FGD6: variants seen among roughly 807,000 people sequenced by gnomAD.
FGD6 encodes the protein FYVE, RhoGEF and PH domain-containing protein 6.
In FGD6, 90 loss-of-function variants were observed where a neutral mutation model predicts 149.4. The ratio of observed to expected loss-of-function variants is 0.60; its 90% CI spans 0.51 to 0.72. The LOEUF (loss-of-function observed/expected upper bound fraction) is 0.72. Ranked by LOEUF, FGD6 falls within the 30% of genes least tolerant of loss-of-function variation. The pLI is 0.00. For missense variants in FGD6, 1,437 were observed against 1,684.8 expected, an observed-to-expected ratio of 0.85 and a Z score of 2.57; for synonymous variants, 527 against 584.0, an observed-to-expected ratio of 0.90 and a Z score of 1.41.
chr12:95,148,877 A>G (rs55891817), intron 5 of FGD6, among the ~76,000 whole-genome samples: 665 of 17,656 alleles, frequency 0.038, 213 homozygotes, highest in African/African-American at 0.13. Flanking sequence ...TATAGCATAT[A>G]TTATATATAT....
At chr12:95,136,895 T>C (rs1162471142) in intron 7 of FGD6, among the ~76,000 whole-genome samples, 1 of 152,206 alleles carries the variant, frequency 6.6e-6, no homozygotes, top group African/African-American at 2.4e-5. Context: ...GTCAACGTAC[T>C]TAACATTACT....
intron 8 of FGD6, among the ~76,000 whole-genome samples, chr12:95,115,774 T>C (rs745582662): frequency 1.3e-5 from 2 of 152,196 alleles, no homozygotes; most frequent in South Asian, 2.1e-4. Context: ...AACAGGGGTA[T>C]TGGTGCCAGA....
At chr12:95,150,712 G>A (rs1461781046) in intron 5 of FGD6, among the ~76,000 whole-genome samples, 3 of 151,894 alleles carry the variant, frequency 2.0e-5, no homozygotes, top group African/African-American at 7.3e-5. Context: ...AGGCTCAAGG[G>A]ATTCTTTTGG....
chr12:95,199,249 AGTG>A (rs1881804582), intron 2 of FGD6, among the ~76,000 whole-genome samples: 1 of 152,220 alleles, frequency 6.6e-6, no homozygotes, highest in Admixed American at 6.5e-5. Context: ...TGGTTGCATC[AGTG>A]AGTGAAGAGA....
chr12:95,126,730 CAAAAA>C (rs66512721), intron 8 of FGD6, among the ~76,000 whole-genome samples: 1 of 127,372 alleles, frequency 7.9e-6, no homozygotes, highest in Non-Finnish European at 1.6e-5. Flanking sequence ...GACTCAGTCT[CAAAAA>C]AAAAAAAAAA....
chr12:95,085,321 TCTC>T (rs1877825125), intron 19 of FGD6, among the ~76,000 whole-genome samples: 1 of 151,100 alleles, frequency 6.6e-6, no homozygotes, highest in South Asian at 2.1e-4. Context: ...TTCAAGCAAT[TCTC>T]CTGCTTCACC....
intron 3 of FGD6, among the ~76,000 whole-genome samples, chr12:95,162,505 G>A (rs979983777): frequency 1.3e-5 from 2 of 152,052 alleles, no homozygotes. Flanking sequence ...CTCCAGCCTG[G>A]GTGACAGAGT....
rs1877580973 is a variant in FGD6 at position 95,078,956 on chromosome 12, T to C, written c.*2564A>G. On this transcript the variant is annotated 3_prime_UTR_variant, in exon 21 of 21. Coordinates refer to ENST00000343958, the MANE Select transcript of FGD6 (RefSeq NM_018351.4). ...GGCACACATATCTGTATAATAAATA[T>C]AGTATCCTTGGAATCTAGATACTAC... is the stretch of plus-strand genomic sequence containing the variant. 6.6e-6 allele frequency: 1 copy of C among 152,264 alleles called. No individual in the cohort carries two copies. The highest frequency in any genetic ancestry group is 1.5e-5 in the Non-Finnish European group (1 of 68,050). 9.4% of individuals were successfully genotyped at this position (152,264 alleles called of 1,614,324 possible). A position where few individuals can be genotyped will look rare whatever the true frequency, so the allele number is the denominator to read the frequency against.
At chr12:95,126,121 G>A in intron 8 of FGD6, 1 of 1,030,970 alleles carries the variant, frequency 9.7e-7, no homozygotes, top group East Asian at 2.4e-5. Flanking sequence ...ATGAGGGACA[G>A]AATAATCAAG....
intron 7 of FGD6, among the ~76,000 whole-genome samples, chr12:95,137,171 C>T (rs547335462): frequency 5.9e-5 from 9 of 152,150 alleles, no homozygotes; most frequent in Admixed American, 3.3e-4. Context: ...CCCAACTACT[C>T]GGGAAGCTGA....
At chr12:95,179,569 CACAAG>C (rs1309886801) in intron 2 of FGD6, among the ~76,000 whole-genome samples, 1 of 152,200 alleles carries the variant, frequency 6.6e-6, no homozygotes, top group Non-Finnish European at 1.5e-5. Flanking sequence ...ATACAGTCCT[CACAAG>C]ACAACTCTGA....
At chr12:95,127,203 A>C (rs1879371017) in intron 8 of FGD6, among the ~76,000 whole-genome samples, 1 of 152,164 alleles carries the variant, frequency 6.6e-6, no homozygotes, top group Non-Finnish European at 1.5e-5. Flanking sequence ...AGGTTTTAAA[A>C]TAAATACTTG....
At chr12:95,109,553 C>G (rs1878743665) in intron 9 of FGD6, among the ~76,000 whole-genome samples, 1 of 118,350 alleles carries the variant, frequency 8.4e-6, no homozygotes, top group South Asian at 3.0e-4. Flanking sequence ...CAGTGGTCAT[C>G]AAAAAAAGGA....
Position 95,080,109 on chromosome 12 carries a change from G to A in FGD6, c.*1411C>T, listed in dbSNP as rs1460532152. 1 of 151,904 alleles carries A rather than the reference G, an allele frequency of 6.6e-6. No homozygotes were observed. Among genetic ancestry groups the A allele is most frequent in the Non-Finnish European group, 1.5e-5 (1 of 68,016 alleles). The allele number at this position is 151,904 out of a possible 1,614,324, so 9.4% of individuals were successfully genotyped here. A position where few individuals can be genotyped will look rare whatever the true frequency, so the allele number is the denominator to read the frequency against. ...TAGGACTACAGCCATGTACCACCAC[G>A]ACCGGCTAATTCTTGTATTTTTAAT... On this transcript the variant is annotated 3_prime_UTR_variant, in exon 21 of 21. Coordinates refer to ENST00000343958, the MANE Select transcript of FGD6 (RefSeq NM_018351.4).
At chr12:95,090,357 G>A (rs746610291) in intron 17 of FGD6, among the ~76,000 whole-genome samples, 17 of 152,186 alleles carry the variant, frequency 1.1e-4, no homozygotes, top group Non-Finnish European at 1.9e-4. Flanking sequence ...AGGCTGGGGA[G>A]TGACATGAGC....
Position 95,077,475 on chromosome 12 carries a change from G to A in FGD6, c.*4045C>T, listed in dbSNP as rs1321486413. The A allele has an allele frequency of 6.6e-6, 1 of 152,324 alleles. No homozygotes were observed. Among genetic ancestry groups the A allele is most frequent in the East Asian group, 1.9e-4 (1 of 5,206 alleles). 9.4% of individuals were successfully genotyped at this position (152,324 alleles called of 1,614,324 possible). A position where few individuals can be genotyped will look rare whatever the true frequency, so the allele number is the denominator to read the frequency against. Reference sequence around the variant, plus strand: ...AGGAAAAGGAAACTGTGTGAACAAAGAAAGGTTGGGTAAGAGTTAGCTGGA... The same window carrying A: ...AGGAAAAGGAAACTGTGTGAACAAAAAAAGGTTGGGTAAGAGTTAGCTGGA... On this transcript the variant is annotated 3_prime_UTR_variant, in exon 21 of 21. Transcript: ENST00000343958.
chr12:95,123,858 G>A (rs954854335), intron 8 of FGD6, among the ~76,000 whole-genome samples: 4 of 151,624 alleles, frequency 2.6e-5, no homozygotes, highest in Admixed American at 2.6e-4. Context: ...CACCACGCCC[G>A]GCCAATATAC....
At chr12:95,158,600 C>T (rs1256813677) in intron 3 of FGD6, among the ~76,000 whole-genome samples, 1 of 152,148 alleles carries the variant, frequency 6.6e-6, no homozygotes, top group African/African-American at 2.4e-5. Flanking sequence ...CATACACACA[C>T]ACACACGGAT....
chr12:95,086,842 GC>G (rs1258499692), intron 18 of FGD6, among the ~76,000 whole-genome samples: 3 of 118,894 alleles, frequency 2.5e-5, no homozygotes, highest in African/African-American at 6.3e-5. Context: ...CACCACACCG[GC>G]CTTTTTTTTT....
Sources: allele counts gnomAD v4.1 joint callset (sites outside exome capture counted in the v4.1 genomes callset), GRCh38; gene constraint gnomAD v4.1.1; transcripts MANE v1.5; gene names NCBI Gene and HGNC (gene_info 2026-07-23, HGNC 2026-07-21).